SASH3: variants seen among roughly 807,000 people sequenced by gnomAD.
The protein encoded by SASH3 is SAM and SH3 domain containing 3.
A neutral mutation model predicts 26.1 loss-of-function variants in SASH3; 7 were observed. The ratio of observed to expected loss-of-function variants is 0.27; its 90% CI spans 0.15 to 0.50. The LOEUF (loss-of-function observed/expected upper bound fraction) is 0.50. Among genes scored for constraint, SASH3 ranks in the 20% least tolerant of loss-of-function variants. SASH3 has a pLI of 0.98. For missense variants in SASH3, 231 were observed against 318.3 expected, an observed-to-expected ratio of 0.73 and a Z score of 2.09; for synonymous variants, 138 against 136.8, an observed-to-expected ratio of 1.01 and a Z score of -0.06.
At position 129,792,807 on chromosome X, in the gene SASH3, C is replaced by T. The variant is rs920145333; in HGVS notation, c.772C>T (p.His258Tyr). 4.2e-6 allele frequency: 5 copies of T among 1,195,061 alleles called. No individual in the cohort carries two copies. The highest frequency in any genetic ancestry group is 5.6e-6 in the Non-Finnish European group (5 of 888,795). ...CAAGAGGCCCAAGCCTAAGACCCTGCATGAGCTGCTGGAGCGCATCGGCCT... is the reference window on the plus strand; with the variant it reads ...CAAGAGGCCCAAGCCTAAGACCCTGTATGAGCTGCTGGAGCGCATCGGCCT... ...KGKRPKPKTL[H>Y]ELLERIGLEE... The change falls in exon 6 of 8, where the codon CAT becomes TAT. Residue 258 changes from histidine (H) to tyrosine (Y), a missense_variant. His to Tyr is a moderately conservative substitution (Grantham distance 83). Coordinates refer to ENST00000356892, the MANE Select transcript of SASH3 (RefSeq NM_018990.4).
At chrX:129,789,764 C>T (rs1026463216) in intron 3 of SASH3, among the ~76,000 whole-genome samples, 1 of 112,422 alleles carries the variant, frequency 8.9e-6, no homozygotes, top group African/African-American at 3.2e-5. Flanking sequence ...GTTTGGGTTG[C>T]CATGGCTCTA....
chrX:129,789,263 AATCCATCCACCTCAAAGC>A (rs201996043), intron 3 of SASH3, among the ~76,000 whole-genome samples: 2,223 of 109,930 alleles, frequency 0.02, 57 homozygotes, highest in African/African-American at 0.068. Flanking sequence ...GGCCTGAGGC[AATCCATCCACCTCAAAGC>A]TTTGCTTTGG....
chrX:129,788,133 G>GGGGGGC, intron 2 of SASH3, 63 bp downstream of exon 2: 1 of 312,637 alleles, frequency 3.2e-6, no homozygotes, highest in Non-Finnish European at 6.2e-6. Flanking sequence ...GTGGGGGTGG[G>GGGGGGC]AGGGAAGAGG....
chrX:129,782,208 C>T (rs1927029336), intron 1 of SASH3, among the ~76,000 whole-genome samples: 1 of 112,062 alleles, frequency 8.9e-6, no homozygotes, highest in Non-Finnish European at 1.9e-5. Flanking sequence ...AGGATAACTC[C>T]TAATCTGCCC....
At chrX:129,788,324 T>C in intron 2 of SASH3, 107 bp from the exon 3 acceptor site, 1 of 858,009 alleles carries the variant, frequency 1.2e-6, no homozygotes, top group East Asian at 3.1e-5. Flanking sequence ...GGCCTCTCAG[T>C]TCCACCCCCT....
intron 1 of SASH3, among the ~76,000 whole-genome samples, chrX:129,786,945 A>G (rs1408268700): frequency 1.9e-5 from 2 of 107,057 alleles, no homozygotes; most frequent in Admixed American, 2.0e-4. Context: ...CAGTGAGCAG[A>G]GATCTCGCCA....
In SASH3 at chrX:129,788,378, C is replaced by T. The variant is rs181791974; in HGVS notation, c.154-53C>T. ...CCAAGGCCTCTTTTGCCTCAAGTCC[C>T]GGACCTAGGCAGGACCACCAGGGTC... On this transcript the variant is annotated intron_variant, in intron 2 of 7. Transcript: ENST00000356892. 251 of 1,190,419 alleles carry T rather than the reference C, an allele frequency of 2.1e-4. No homozygotes were observed. In the African/African-American group the frequency reaches 3.8e-3, roughly 18 times the overall value.
chrX:129,791,760 T>C (rs1473689190), intron 4 of SASH3, among the ~76,000 whole-genome samples: 2 of 112,143 alleles, frequency 1.8e-5, no homozygotes, highest in East Asian at 5.6e-4. Context: ...TGAAAATCAT[T>C]CAAAATGCCC....
chrX:129,791,943 T>C (rs1306546672), intron 4 of SASH3, among the ~76,000 whole-genome samples: 1 of 112,025 alleles, frequency 8.9e-6, no homozygotes, highest in Non-Finnish European at 1.9e-5. Flanking sequence ...ACTGACTCAG[T>C]GCTGCCAGTT....
At chrX:129,791,954 A>G (rs1433804842) in intron 4 of SASH3, among the ~76,000 whole-genome samples, 2 of 112,124 alleles carry the variant, frequency 1.8e-5, no homozygotes, top group Non-Finnish European at 3.8e-5. Flanking sequence ...GCTGCCAGTT[A>G]TAAAATGAGA....
intron 2 of SASH3, 67 bp downstream of exon 2, chrX:129,788,137 G>GGGTGGGC: frequency 1.1e-5 from 4 of 354,268 alleles, no homozygotes; most frequent in Middle Eastern, 7.5e-4. Context: ...GGGTGGGAGG[G>GGGTGGGC]AAGAGGGTGA....
intron 1 of SASH3, among the ~76,000 whole-genome samples, chrX:129,787,131 G>C (rs751827682): frequency 9.0e-5 from 10 of 111,361 alleles, no homozygotes; most frequent in African/African-American, 3.3e-4. Flanking sequence ...GTGAAACCCC[G>C]TCTCCACTAA....
chrX:129,789,247 T>C (rs750063372), intron 3 of SASH3, among the ~76,000 whole-genome samples: 2 of 108,891 alleles, frequency 1.8e-5, no homozygotes, highest in Non-Finnish European at 3.8e-5. Flanking sequence ...TTGAGAAAGA[T>C]GAAATGGCCT....
At chrX:129,781,537 A>G (rs1459232683) in intron 1 of SASH3, among the ~76,000 whole-genome samples, 1 of 111,878 alleles carries the variant, frequency 8.9e-6, no homozygotes, top group Non-Finnish European at 1.9e-5. Context: ...TGGGAAACAG[A>G]GATTGCTCTA....
chrX:129,782,807 T>C (rs1927041278), intron 1 of SASH3, among the ~76,000 whole-genome samples: 1 of 111,752 alleles, frequency 8.9e-6, no homozygotes, highest in South Asian at 3.7e-4. Flanking sequence ...TCTAGAATGG[T>C]AGGGCTAGGA....
At chrX:129,782,637 C>G (rs1390495481) in intron 1 of SASH3, among the ~76,000 whole-genome samples, 1 of 112,392 alleles carries the variant, frequency 8.9e-6, no homozygotes, top group African/African-American at 3.2e-5. Flanking sequence ...GACCCCTTCT[C>G]TCTCCACTCT....
rs774719160 is a variant in SASH3, at chrX:129,794,232, G to C, written c.*400G>C. On this transcript the variant is annotated 3_prime_UTR_variant, in exon 8 of 8. Transcript: ENST00000356892. ...CCCCTGTCGCACTGCTCCTGAAAAGGGGGCCAAGTCAATGTTTCAGGTCAG... is the reference window on the plus strand; with the variant it reads ...CCCCTGTCGCACTGCTCCTGAAAAGCGGGCCAAGTCAATGTTTCAGGTCAG... 9 of 176,689 alleles carry C rather than the reference G, an allele frequency of 5.1e-5. No homozygotes were observed. Among genetic ancestry groups the C allele is most frequent in the Non-Finnish European group, 5.4e-5 (5 of 93,358 alleles). The allele number at this position is 176,689 out of a possible 1,213,427, so 14.6% of individuals were successfully genotyped here.
chrX:129,787,985 A>G lies in SASH3; in HGVS notation c.68A>G (p.Gln23Arg). The G allele has an allele frequency of 8.3e-7, 1 of 1,210,063 alleles. No individual in the cohort carries two copies. Among genetic ancestry groups the G allele is most frequent in the Non-Finnish European group, 1.1e-6 (1 of 894,156 alleles). Reference protein sequence around the residue: ...EPTQKKKLSLQRSSSFKDFAK... With the variant: ...EPTQKKKLSLRRSSSFKDFAK... ...CCACCCTTTTTCCAGCTCTCCCTTC[A>G]GCGCTCCAGCAGCTTCAAGGATTTT... is the stretch of plus-strand genomic sequence containing the variant. The change falls in exon 2 of 8, where the codon CAG (glutamine) becomes CGG (arginine). Residue 23 changes from glutamine (Q) to arginine (R), a missense_variant. By Grantham distance (43) the Gln-to-Arg change is conservative (BLOSUM62 1). Coordinates refer to ENST00000356892, the MANE Select transcript of SASH3 (RefSeq NM_018990.4).
intron 1 of SASH3, 72 bp from the exon 2 acceptor site, chrX:129,787,902 TG>T: frequency 1.3e-6 from 1 of 781,204 alleles, no homozygotes; most frequent in Non-Finnish European, 2.0e-6. Flanking sequence ...TATTGTGTGG[TG>T]GGGGGAGGCG....
Sources: gnomAD v4.1 joint callset for allele counts (sites outside exome capture counted in the v4.1 genomes callset) on GRCh38, gnomAD v4.1.1 for gene constraint, MANE v1.5 for transcripts, NCBI Gene and HGNC (gene_info 2026-07-23, HGNC 2026-07-21) for gene names.